CCDC195: variants seen among roughly 807,000 people sequenced by gnomAD.
CCDC195 encodes coiled-coil domain-containing protein 195.
chr2:224,715,039 C>A (rs142729451), intron 1 of CCDC195, among the ~76,000 whole-genome samples: 1,779 of 152,188 alleles, frequency 0.012, 39 homozygotes, highest in African/African-American at 0.041. Context: ...AGTGATTCTC[C>A]TGCCTCAGCC....
intron 2 of CCDC195, among the ~76,000 whole-genome samples, chr2:224,705,978 G>A (rs999026276): frequency 1.2e-4 from 18 of 151,942 alleles, no homozygotes; most frequent in African/African-American, 4.4e-4. Flanking sequence ...AATTGAAATG[G>A]AAAAACTAAT....
At chr2:224,708,894 T>C (rs927633381) in intron 2 of CCDC195, among the ~76,000 whole-genome samples, 16 of 151,938 alleles carry the variant, frequency 1.1e-4, no homozygotes, top group South Asian at 4.2e-4. Flanking sequence ...TAGGGCCTCA[T>C]TGGGAGTTGG....
chr2:224,711,283 T>C (rs2124852240), intron 1 of CCDC195, among the ~76,000 whole-genome samples: 1 of 151,922 alleles, frequency 6.6e-6, no homozygotes, highest in East Asian at 1.9e-4. Flanking sequence ...GGCTTTAGTT[T>C]CCAGGGACTT....
chr2:224,713,980 CCTTTTCTTTT>C lies in CCDC195; in HGVS notation c.235+2141_235+2150del, dbSNP rs373266230. ...CCTGGCTAATTTTTTCCTGGCTAAT[CCTTTTCTTTT>C]CTTTTCTTTTCTATTCTTTTCTTTT... On this transcript the variant is annotated intron_variant, in intron 1 of 2. Transcript: ENST00000638102. 1.5e-4 allele frequency among the ~76,000 whole-genome samples: 23 copies of C among 151,774 alleles called. 2 individuals are homozygous for C. The South Asian group carries it at 4.6e-3, about 30-fold the overall frequency.
exon 3 of CCDC195, chr2:224,703,822 C>T (rs964217451): frequency 5.0e-6 from 2 of 398,358 alleles, no homozygotes; most frequent in Non-Finnish European, 8.8e-6. Flanking sequence ...TTTCAAAGAA[C>T]TTGAATTTTT....
chr2:224,714,046 C>G (rs1370609400), intron 1 of CCDC195, among the ~76,000 whole-genome samples: 2 of 151,990 alleles, frequency 1.3e-5, no homozygotes, highest in Non-Finnish European at 2.9e-5. Context: ...CACTATGATG[C>G]CTAGGCCAAT....
At chr2:224,713,324 C>A (rs1382430733) in intron 1 of CCDC195, among the ~76,000 whole-genome samples, 6 of 152,198 alleles carry the variant, frequency 3.9e-5, no homozygotes, top group Admixed American at 2.6e-4. Flanking sequence ...ATTATGACAA[C>A]TATTACTTAG....
intron 1 of CCDC195, among the ~76,000 whole-genome samples, chr2:224,715,586 A>G (rs1023314192): frequency 2.0e-5 from 3 of 152,210 alleles, no homozygotes; most frequent in Non-Finnish European, 4.4e-5. Context: ...AGTTCATATT[A>G]CTGTAGTTAA....
chr2:224,706,683 G>T (rs965667925), intron 2 of CCDC195, among the ~76,000 whole-genome samples: 2 of 147,908 alleles, frequency 1.4e-5, no homozygotes, highest in Non-Finnish European at 3.0e-5. Context: ...GCTAATTTTT[G>T]TATTTTAGTA....
At chr2:224,704,804 T>A (rs1352138367) in intron 2 of CCDC195, among the ~76,000 whole-genome samples, 2 of 152,066 alleles carry the variant, frequency 1.3e-5, no homozygotes, top group Non-Finnish European at 2.9e-5. Context: ...GTGTTTTTAG[T>A]AGAGACGAGT....
At chr2:224,706,965 T>C (rs771238549) in intron 2 of CCDC195, among the ~76,000 whole-genome samples, 1 of 152,036 alleles carries the variant, frequency 6.6e-6, no homozygotes, top group Non-Finnish European at 1.5e-5. Context: ...TTCTTCTGTT[T>C]TCCTTCTTTG....
At chr2:224,709,481 T>A (rs756237619) in intron 2 of CCDC195, among the ~76,000 whole-genome samples, 2 of 152,204 alleles carry the variant, frequency 1.3e-5, no homozygotes, top group African/African-American at 4.8e-5. Context: ...GAGTTATGCC[T>A]AAATAATTTT....
intron 1 of CCDC195, among the ~76,000 whole-genome samples, chr2:224,711,361 G>T (rs1392921817): frequency 6.5e-5 from 9 of 138,078 alleles, no homozygotes; most frequent in Non-Finnish European, 6.3e-5. Context: ...AATCTTCCCT[G>T]TTTTTTTTTT....
At chr2:224,704,183 T>A (rs1697210654) in intron 2 of CCDC195, among the ~76,000 whole-genome samples, 1 of 152,182 alleles carries the variant, frequency 6.6e-6, no homozygotes, top group Non-Finnish European at 1.5e-5. Flanking sequence ...TGGAAGAATA[T>A]CTCATTCTTA....
chr2:224,706,166 T>C (rs1191805559), intron 2 of CCDC195, among the ~76,000 whole-genome samples: 2 of 149,518 alleles, frequency 1.3e-5, no homozygotes, highest in Non-Finnish European at 3.0e-5. Flanking sequence ...TTTTACTTTG[T>C]ATATTGCCTC....
chr2:224,709,785 G>A (rs1689290641), intron 2 of CCDC195, among the ~76,000 whole-genome samples, 188 bp downstream of exon 2: 1 of 152,148 alleles, frequency 6.6e-6, no homozygotes, highest in Admixed American at 6.5e-5. Context: ...CTATTAGAGG[G>A]TGCCATTTAA....
intron 1 of CCDC195, among the ~76,000 whole-genome samples, chr2:224,713,803 A>ATTTTT (rs59559911): frequency 7.3e-6 from 1 of 136,558 alleles, no homozygotes; most frequent in East Asian, 2.1e-4. Context: ...TTTCACCAGT[A>ATTTTT]TTTTTTTTTT....
intron 1 of CCDC195, among the ~76,000 whole-genome samples, chr2:224,712,107 G>T (rs550732103): frequency 6.6e-6 from 1 of 152,288 alleles, no homozygotes; most frequent in South Asian, 2.1e-4. Flanking sequence ...GTTAATTTGG[G>T]AGTGATTAGC....
chr2:224,705,015 C>T (rs1000110497), intron 2 of CCDC195, among the ~76,000 whole-genome samples: 13 of 152,092 alleles, frequency 8.5e-5, no homozygotes, highest in Middle Eastern at 3.2e-3. Flanking sequence ...ACTTGGTGAG[C>T]GGTCACTCAA....
Sources: allele counts gnomAD v4.1 joint callset (sites outside exome capture counted in the v4.1 genomes callset), GRCh38; gene constraint gnomAD v4.1.1; transcripts MANE v1.5; gene names NCBI Gene and HGNC (gene_info 2026-07-23, HGNC 2026-07-21).